CCDC141: variants seen among roughly 807,000 people sequenced by gnomAD.
CCDC141 encodes coiled-coil domain-containing protein 141.
In CCDC141, 168 loss-of-function variants were observed where a neutral mutation model predicts 181.0. The observed-to-expected ratio is 0.93, with a 90% CI of 0.82 to 1.05. CCDC141 has a LOEUF of 1.05. CCDC141 is among the 50% of genes least tolerant of loss of function. CCDC141 has a pLI of 0.00. For missense variants in CCDC141, 1,902 were observed against 1,788.5 expected, an observed-to-expected ratio of 1.06 and a Z score of -1.14; for synonymous variants, 666 against 642.3, an observed-to-expected ratio of 1.04 and a Z score of -0.56.
chr2:178,952,979 C>T (rs1279588523), intron 5 of CCDC141, among the ~76,000 whole-genome samples: 2 of 152,158 alleles, frequency 1.3e-5, no homozygotes, highest in African/African-American at 2.4e-5. Context: ...GGAAATACTT[C>T]TTAACTTAAA....
At chr2:178,896,323 C>T (rs1438070272) in intron 8 of CCDC141, among the ~76,000 whole-genome samples, 1 of 152,144 alleles carries the variant, frequency 6.6e-6, no homozygotes, top group African/African-American at 2.4e-5. Context: ...CCGCAACATC[C>T]ACTGTACTCA....
At chr2:178,859,616 T>C (rs1685518016) in intron 17 of CCDC141, among the ~76,000 whole-genome samples, 1 of 152,202 alleles carries the variant, frequency 6.6e-6, no homozygotes, top group Non-Finnish European at 1.5e-5. Context: ...AGGGAAAATA[T>C]ATTTTTAATG....
At chr2:178,907,349 C>T (rs900376815) in intron 7 of CCDC141, among the ~76,000 whole-genome samples, 2 of 152,176 alleles carry the variant, frequency 1.3e-5, no homozygotes, top group Non-Finnish European at 2.9e-5. Flanking sequence ...GATTTATACC[C>T]AATTTCCTGA....
intron 6 of CCDC141, among the ~76,000 whole-genome samples, chr2:178,943,009 C>T (rs1179429292): frequency 6.6e-6 from 1 of 152,146 alleles, no homozygotes; most frequent in African/African-American, 2.4e-5. Flanking sequence ...TCTAGACTGT[C>T]TTCAGGGCTA....
intron 4 of CCDC141, among the ~76,000 whole-genome samples, chr2:178,972,582 T>C (rs1361693299): frequency 6.6e-6 from 1 of 152,164 alleles, no homozygotes; most frequent in Non-Finnish European, 1.5e-5. Context: ...TGGCCCTGGA[T>C]TTCTCACGAG....
intron 3 of CCDC141, among the ~76,000 whole-genome samples, chr2:178,976,938 ATGCTTTACTCAGAAAAAGTTTTCC>A (rs913985051): frequency 6.6e-6 from 1 of 152,212 alleles, no homozygotes; most frequent in African/African-American, 2.4e-5. Flanking sequence ...TAAGCAAACA[ATGCTTTACTCAGAAAAAGTTTTCC>A]TAAAGTTCTG....
chr2:178,845,699 T>C lies in CCDC141; in HGVS notation c.3401A>G (p.His1134Arg), dbSNP rs1325693651. The change falls in exon 22 of 24, where the codon CAT (histidine) becomes CGT (arginine). Residue 1134 changes from histidine (H) to arginine (R), a missense_variant. Physicochemically the swap from His to Arg is conservative, Grantham distance 29. Coordinates refer to ENST00000443758, the MANE Select transcript of CCDC141 (RefSeq NM_173648.4). ...LKMNPNLEDF[H>R]YDYIDLLKEP... Reference sequence around the variant, plus strand: ...CTTTAGCAAGTCAATGTAATCATAATGGAAGTCTTCCAAATTCGGATTCAT... The same window carrying C: ...CTTTAGCAAGTCAATGTAATCATAACGGAAGTCTTCCAAATTCGGATTCAT... 1 of 1,612,636 alleles carries C rather than the reference T, an allele frequency of 6.2e-7. No homozygotes were observed. The highest frequency in any genetic ancestry group is 8.5e-7 in the Non-Finnish European group (1 of 1,178,768).
chr2:178,822,426 C>A, the CCDC141 span, among the ~76,000 whole-genome samples: 1 of 111,212 alleles, frequency 9.0e-6, no homozygotes. Context: ...AAAAATCCCT[C>A]CTGAAAAAAA....
Position 178,872,394 on chromosome 2 carries a change from A to G in CCDC141, c.1900-82T>C, listed in dbSNP as rs571831294. ...GTTGTATATAACTATTTTACGAGGC[A>G]AATTCTTTATCACAACCAAAGCCGA... On this transcript the variant is annotated intron_variant, in intron 12 of 23. Transcript: ENST00000443758. The G allele has an allele frequency of 4.5e-5, 58 of 1,275,266 alleles. No homozygotes were observed. In the African/African-American group the frequency reaches 8.0e-4, roughly 17 times the overall value. The allele number at this position is 1,275,266 out of a possible 1,614,324, so 79.0% of individuals were successfully genotyped here. A position where few individuals can be genotyped will look rare whatever the true frequency, so the allele number is the denominator to read the frequency against.
At chr2:178,946,885 C>G (rs1689755261) in intron 5 of CCDC141, among the ~76,000 whole-genome samples, 1 of 152,154 alleles carries the variant, frequency 6.6e-6, no homozygotes, top group Admixed American at 6.5e-5. Context: ...CACGTTCCTG[C>G]CTGTTAAATC....
At chr2:178,922,194 G>A (rs189121660) in intron 6 of CCDC141, among the ~76,000 whole-genome samples, 54 of 152,278 alleles carry the variant, frequency 3.5e-4, no homozygotes, top group East Asian at 3.5e-3. Flanking sequence ...TATGTTAGTG[G>A]TGTGCTAAAT....
At chr2:178,815,295 A>C in the CCDC141 span, among the ~76,000 whole-genome samples, 360 of 152,316 alleles carry the variant, frequency 2.4e-3, 3 homozygotes, top group African/African-American at 7.6e-3. Context: ...TATTTTAAGG[A>C]AATGAGAGTG....
At chr2:178,900,449 C>CT (rs1263673557) in intron 8 of CCDC141, among the ~76,000 whole-genome samples, 1 of 152,158 alleles carries the variant, frequency 6.6e-6, no homozygotes, top group Non-Finnish European at 1.5e-5. Flanking sequence ...CTTAACTTCT[C>CT]TGAATCTCAG....
At chr2:178,870,519 A>G (rs1195591343) in intron 14 of CCDC141, among the ~76,000 whole-genome samples, 1 of 152,214 alleles carries the variant, frequency 6.6e-6, no homozygotes, top group Non-Finnish European at 1.5e-5. Flanking sequence ...ATAAGCAGAT[A>G]ACGCAGGGTG....
intron 12 of CCDC141, 86 bp downstream of exon 12, chr2:178,877,878 A>T: frequency 7.7e-7 from 1 of 1,303,052 alleles, no homozygotes; most frequent in Non-Finnish European, 1.1e-6. Flanking sequence ...ACTGCTGATT[A>T]ATAGACAGCT....
intron 6 of CCDC141, among the ~76,000 whole-genome samples, chr2:178,923,459 A>AT (rs1430610179): frequency 2.6e-5 from 4 of 151,804 alleles, no homozygotes; most frequent in Non-Finnish European, 5.9e-5. Flanking sequence ...CCATCACACT[A>AT]TTTAAAAAAT....
intron 6 of CCDC141, among the ~76,000 whole-genome samples, chr2:178,931,199 T>C (rs968898011): frequency 2.0e-5 from 3 of 152,072 alleles, no homozygotes; most frequent in Non-Finnish European, 2.9e-5. Flanking sequence ...TGTAGAGAAA[T>C]TGGAATCTTC....
chr2:178,864,994 T>A (rs2154368483), intron 17 of CCDC141, among the ~76,000 whole-genome samples: 1 of 152,334 alleles, frequency 6.6e-6, no homozygotes, highest in African/African-American at 2.4e-5. Context: ...ACCATTGCTA[T>A]CCCAATCTGT....
chr2:178,890,345 A>G (rs1282839106), intron 8 of CCDC141, among the ~76,000 whole-genome samples: 1 of 152,078 alleles, frequency 6.6e-6, no homozygotes, highest in Non-Finnish European at 1.5e-5. Context: ...GTTAGGGGCT[A>G]TTTTACCAAC....
Sources: allele counts gnomAD v4.1 joint callset (sites outside exome capture counted in the v4.1 genomes callset), GRCh38; gene constraint gnomAD v4.1.1; transcripts MANE v1.5; gene names NCBI Gene and HGNC (gene_info 2026-07-23, HGNC 2026-07-21).